MINK1: variants seen among roughly 807,000 people sequenced by gnomAD.
The protein encoded by MINK1 is misshapen-like kinase 1.
A neutral mutation model predicts 178.4 loss-of-function variants in MINK1; 46 were observed. The ratio of observed to expected loss-of-function variants is 0.26; its 90% CI spans 0.20 to 0.33. The LOEUF (loss-of-function observed/expected upper bound fraction) is 0.33. MINK1 is among the 10% of genes least tolerant of loss of function. The pLI is 1.00. For synonymous variants in MINK1, 797 were observed against 709.7 expected (o/e 1.12, Z -1.96); for missense variants, 1,366 against 1,814.9 (o/e 0.75, Z 4.49).
At chr17:4,890,929 T>C in intron 14 of MINK1, 22 bp from the exon 15 acceptor site, 1 of 1,552,320 alleles carries the variant, frequency 6.4e-7, no homozygotes, top group Non-Finnish European at 8.7e-7. Context: ...GCTGGCCTGC[T>C]TGACATCCCT....
chr17:4,836,542 G>T lies in MINK1; in HGVS notation c.57+2902G>T, dbSNP rs999175765. ...TAACCCTGGCCCTGCTCCCCTTACT[G>T]CAGATTCTGCCAAGAGCCTTACCCT... On this transcript the variant is annotated intron_variant, in intron 1 of 31. Coordinates refer to ENST00000355280, the MANE Select transcript of MINK1 (RefSeq NM_153827.5). This position sits in a 1 kb window ranked among gnomAD's most constrained non-coding sequence, Gnocchi z 4.3. 1.3e-5 allele frequency among the ~76,000 whole-genome samples: 2 copies of T among 152,136 alleles called. No individual in the cohort carries two copies. Among genetic ancestry groups the T allele is most frequent in the African/African-American group, 4.8e-5 (2 of 41,426 alleles).
chr17:4,851,243 A>T (rs768618916), intron 1 of MINK1, among the ~76,000 whole-genome samples: 7 of 152,180 alleles, frequency 4.6e-5, no homozygotes, highest in Admixed American at 2.0e-4. Flanking sequence ...AAATGTTTCC[A>T]CATCGGTGAA....
At chr17:4,891,864 A>G (rs369712627) in intron 16 of MINK1, 148 bp downstream of exon 16, 1 of 1,206,356 alleles carries the variant, frequency 8.3e-7, no homozygotes, top group Non-Finnish European at 1.1e-6. Context: ...TCAGCCGTCC[A>G]GCTGAGGACG....
At chr17:4,869,099 TA>T (rs1434415987) in intron 1 of MINK1, among the ~76,000 whole-genome samples, 3 of 151,792 alleles carry the variant, frequency 2.0e-5, no homozygotes, top group Non-Finnish European at 2.9e-5. Context: ...AATTTTTTTT[TA>T]TTTTTAGTAG....
At chr17:4,877,464 G>GCCT (rs1156382825) in intron 1 of MINK1, among the ~76,000 whole-genome samples, 1 of 152,176 alleles carries the variant, frequency 6.6e-6, no homozygotes. Context: ...TCAAACCCTG[G>GCCT]CCTGGAAGCC....
At chr17:4,882,334 G>A (rs970422687) in intron 4 of MINK1, among the ~76,000 whole-genome samples, 1 of 152,224 alleles carries the variant, frequency 6.6e-6, no homozygotes, top group Admixed American at 6.5e-5. Flanking sequence ...GGACAAGCAT[G>A]CTGATTTCCA....
chr17:4,885,111 G>A lies in MINK1; in HGVS notation c.508+109G>A. 5.0e-6 allele frequency: 5 copies of A among 995,220 alleles called. No individual in the cohort carries two copies. Among genetic ancestry groups the A allele is most frequent in the South Asian group, 1.5e-5 (1 of 68,112 alleles). The allele number at this position is 995,220 out of a possible 1,614,324, so 61.6% of individuals were successfully genotyped here. A position where few individuals can be genotyped will look rare whatever the true frequency, so the allele number is the denominator to read the frequency against. ...CAGGCCCAACTCCCTTCCTACTGGG[G>A]AGGCTCACTCCCTCCCCTTTCCCCT... On this transcript the variant is annotated intron_variant, in intron 6 of 31. Transcript: ENST00000355280. The surrounding 1 kb of genome is among the most constrained non-coding windows in gnomAD (Gnocchi z 5.0).
At chr17:4,835,063 G>A (rs557623917) in intron 1 of MINK1, among the ~76,000 whole-genome samples, 5 of 152,302 alleles carry the variant, frequency 3.3e-5, no homozygotes, top group African/African-American at 9.6e-5. Context: ...GAGAGGGACT[G>A]AACGCTGAAT....
chr17:4,894,221 C>T lies in MINK1; in HGVS notation c.2718C>T (p.Tyr906=), dbSNP rs200168941. ...RNLLHADSNG[Y]TNLPDVVQPS... ...TGCTGCATGCTGACAGCAATGGGTACACAAACCTGCCTGACGTGGTCCAGC... is the reference window on the plus strand; with the variant it reads ...TGCTGCATGCTGACAGCAATGGGTATACAAACCTGCCTGACGTGGTCCAGC... Residue 906 remains tyrosine, a synonymous_variant, in exon 23 of 32, where the codon TAC becomes TAT. Transcript: ENST00000355280. The surrounding 1 kb of genome is among the most constrained non-coding windows in gnomAD (Gnocchi z 4.1). 1.9e-6 allele frequency: 3 copies of T among 1,613,518 alleles called. No homozygotes were observed. The highest frequency in any genetic ancestry group is 2.7e-5 in the African/African-American group (2 of 74,978).
chr17:4,891,756 T>C, intron 16 of MINK1, 40 bp downstream of exon 16: 1 of 1,565,752 alleles, frequency 6.4e-7, no homozygotes, highest in South Asian at 1.2e-5. Flanking sequence ...AGCAGAGAGC[T>C]AGTCATGAAG....
chr17:4,874,334 A>G (rs1966974344), intron 1 of MINK1, among the ~76,000 whole-genome samples: 1 of 152,214 alleles, frequency 6.6e-6, no homozygotes, highest in African/African-American at 2.4e-5. Context: ...AAATGGAGGC[A>G]CTCATTCAGA....
rs1908788200 is a variant in MINK1 at position 4,833,461 on chromosome 17, C to T, written c.-123C>T. 4 of 771,218 alleles carry T rather than the reference C, an allele frequency of 5.2e-6. No homozygotes were observed. Among genetic ancestry groups the T allele is most frequent in the East Asian group, 6.6e-5 (2 of 30,392 alleles). The allele number at this position is 771,218 out of a possible 1,614,324, so 47.8% of individuals were successfully genotyped here. A position where few individuals can be genotyped will look rare whatever the true frequency, so the allele number is the denominator to read the frequency against. Reference sequence around the variant, plus strand: ...CGCCGGCCCTCCCCCTCCCCGGTCTCCGGGGGAGGCGCGGTGGAGTCCGCC... The same window carrying T: ...CGCCGGCCCTCCCCCTCCCCGGTCTTCGGGGGAGGCGCGGTGGAGTCCGCC... On this transcript the variant is annotated 5_prime_UTR_variant, in exon 1 of 32. Transcript: ENST00000355280. This position sits in a 1 kb window ranked among gnomAD's most constrained non-coding sequence, Gnocchi z 4.8.
intron 1 of MINK1, among the ~76,000 whole-genome samples, chr17:4,860,072 C>T (rs1239197406): frequency 6.6e-6 from 1 of 151,514 alleles, no homozygotes; most frequent in Non-Finnish European, 1.5e-5. Context: ...GGGTCGCGTC[C>T]GGGAACTACT....
chr17:4,878,608 ACAGGCCAGCAGC>A (rs1379580465), intron 2 of MINK1, among the ~76,000 whole-genome samples: 6 of 152,160 alleles, frequency 3.9e-5, no homozygotes, highest in African/African-American at 2.4e-5. Context: ...CATGGTGGGA[ACAGGCCAGCAGC>A]CAGGCAGGGT....
rs2150781475 is a variant in MINK1, at chr17:4,847,337, C to T, written c.57+13697C>T. On this transcript the variant is annotated intron_variant, in intron 1 of 31. Transcript: ENST00000355280. ...CACTGCATCCTCTGCCTCCTCGGTTCAATCAATTCTCCTGCCTCAGCCTCT... is the reference window on the plus strand; with the variant it reads ...CACTGCATCCTCTGCCTCCTCGGTTTAATCAATTCTCCTGCCTCAGCCTCT... 3 of 425,238 alleles carry T rather than the reference C, an allele frequency of 7.1e-6. No homozygotes were observed. The Admixed American group carries it at 7.4e-5, about 11-fold the overall frequency. The allele number at this position is 425,238 out of a possible 1,614,324, so 26.3% of individuals were successfully genotyped here.
At chr17:4,875,475 A>G in intron 1 of MINK1, 1 of 453,708 alleles carries the variant, frequency 2.2e-6, no homozygotes, top group Non-Finnish European at 4.4e-6. Flanking sequence ...ATCTGACTCT[A>G]AAAAAACAAA....
rs536662233 is a variant in MINK1 at position 4,897,474 on chromosome 17, A to C, written c.*187A>C. 2.6e-5 allele frequency: 15 copies of C among 571,092 alleles called. No homozygotes were observed. The highest frequency in any genetic ancestry group is 1.3e-4 in the African/African-American group (7 of 52,780). 35.4% of individuals were successfully genotyped at this position (571,092 alleles called of 1,614,324 possible). A position where few individuals can be genotyped will look rare whatever the true frequency, so the allele number is the denominator to read the frequency against. ...GATCACGTGACCATCCTCTTCCCCA[A>C]CATGTCCTCTTCCCAAAACTGTGCC... On this transcript the variant is annotated 3_prime_UTR_variant, in exon 32 of 32. Transcript: ENST00000355280.
Position 4,897,206 on chromosome 17 carries a change from G to GT in MINK1, c.3924dup (p.Ala1309CysfsTer19). 6.2e-7 allele frequency: 1 copy of GT among 1,613,358 alleles called. No individual in the cohort carries two copies. Among genetic ancestry groups the GT allele is most frequent in the East Asian group, 2.2e-5 (1 of 44,862 alleles). On this transcript the variant is annotated frameshift_variant, in exon 32 of 32. Coordinates refer to ENST00000355280, the MANE Select transcript of MINK1 (RefSeq NM_153827.5). LOFTEE classifies it high-confidence loss of function. ...ACTTCTTCTCCTGCCCCACCCAGGT[G>GT]TTTTTTGCCTCAGTCCGCTCTGGGG...
chr17:4,871,954 C>T (rs1402883944), intron 1 of MINK1, among the ~76,000 whole-genome samples: 2 of 152,154 alleles, frequency 1.3e-5, no homozygotes, highest in African/African-American at 4.8e-5. Context: ...TTATAGGATC[C>T]TCCTGCCTCA....
Sources: gnomAD v4.1 joint callset for allele counts (sites outside exome capture counted in the v4.1 genomes callset) on GRCh38, gnomAD v4.1.1 for gene constraint, Gnocchi (gnomAD v3.1) non-coding constraint, MANE v1.5 for transcripts, NCBI Gene and HGNC (gene_info 2026-07-23, HGNC 2026-07-21) for gene names.